Variants in SPNS3 observed in about 807,000 individuals in gnomAD.
The protein encoded by SPNS3 is protein spinster homolog 3.
Under a neutral mutation model 54.4 loss-of-function variants are expected in SPNS3, and 51 were observed. The observed-to-expected ratio is 0.94, with a 90% CI of 0.75 to 1.18. SPNS3 has a LOEUF of 1.18. Among genes scored for constraint, SPNS3 ranks in the 50% most tolerant of loss-of-function variants. SPNS3 has a pLI of 0.00. For synonymous variants in SPNS3, 309 were observed against 294.7 expected, an observed-to-expected ratio of 1.05 and a Z score of -0.50; for missense variants, 669 against 677.4, an observed-to-expected ratio of 0.99 and a Z score of 0.14.
intron 8 of SPNS3, among the ~76,000 whole-genome samples, chr17:4,456,484 G>A (rs988640268): frequency 6.6e-5 from 10 of 152,140 alleles, no homozygotes; most frequent in Non-Finnish European, 1.0e-4. Flanking sequence ...TAGTCCTCAC[G>A]ACTGACACTT....
intron 8 of SPNS3, among the ~76,000 whole-genome samples, chr17:4,466,559 T>A (rs9908899): frequency 0.027 from 2,467 of 92,686 alleles, 73 homozygotes; most frequent in African/African-American, 0.096. Context: ...AAAAAAAAAA[T>A]GGCCAGGCAC....
chr17:4,454,117 C>A (rs1971241097), intron 8 of SPNS3, among the ~76,000 whole-genome samples: 2 of 152,240 alleles, frequency 1.3e-5, no homozygotes, highest in African/African-American at 4.8e-5. Context: ...TATCCTCACA[C>A]CAGAATTCAC....
intron 9 of SPNS3, among the ~76,000 whole-genome samples, chr17:4,480,812 A>G (rs1481385683): frequency 8.9e-6 from 1 of 112,214 alleles, no homozygotes; most frequent in Non-Finnish European, 1.8e-5. Context: ...GGAGGCCTCC[A>G]GCCACAATGC....
At chr17:4,484,504 A>G (rs1168469402) in intron 9 of SPNS3, among the ~76,000 whole-genome samples, 1 of 152,062 alleles carries the variant, frequency 6.6e-6, no homozygotes, top group African/African-American at 2.4e-5. Flanking sequence ...TATTTTTAGT[A>G]GAGATGGGAT....
chr17:4,474,467 C>A (rs1011403494), intron 8 of SPNS3, among the ~76,000 whole-genome samples: 2 of 152,128 alleles, frequency 1.3e-5, no homozygotes, highest in Non-Finnish European at 2.9e-5. Flanking sequence ...GGCCTTCTCC[C>A]TTCTCGGTGG....
chr17:4,484,833 G>C (rs1258057551), intron 9 of SPNS3, among the ~76,000 whole-genome samples: 2 of 151,774 alleles, frequency 1.3e-5, no homozygotes, highest in East Asian at 3.9e-4. Context: ...GGACCTACTT[G>C]AGTTATTTGG....
At position 4,486,649 on chromosome 17, in the gene SPNS3, C is replaced by A; in HGVS notation, c.1450+66C>A. 3 of 1,471,246 alleles carry A rather than the reference C, an allele frequency of 2.0e-6. 1 individual carries two copies. The South Asian group carries it at 3.8e-5, about 19-fold the overall frequency. The allele number at this position is 1,471,246 out of a possible 1,614,324, so 91.1% of individuals were successfully genotyped here. On this transcript the variant is annotated intron_variant, in intron 11 of 11. Transcript: ENST00000355530. This position sits in a 1 kb window ranked among gnomAD's most constrained non-coding sequence, Gnocchi z 5.5. ...CCCTAGGGACAGACAGCACTGGCCA[C>A]CCCCTGAATCCCTGGCCAGTTTGTT... is the stretch of plus-strand genomic sequence containing the variant.
intron 8 of SPNS3, 24 bp from the exon 9 acceptor site, chr17:4,478,548 A>G: frequency 6.4e-7 from 1 of 1,557,290 alleles, no homozygotes; most frequent in Non-Finnish European, 8.7e-7. Flanking sequence ...GGGAATCCTC[A>G]CCCAGGCCAC....
intron 8 of SPNS3, among the ~76,000 whole-genome samples, chr17:4,476,196 C>G (rs1218031461): frequency 6.6e-6 from 1 of 152,216 alleles, no homozygotes; most frequent in African/African-American, 2.4e-5. Flanking sequence ...CGCAGCTGAG[C>G]CCTTTGCCCC....
chr17:4,448,268 C>T lies in SPNS3; in HGVS notation c.735C>T (p.Ser245=). 1.3e-6 allele frequency: 2 copies of T among 1,591,268 alleles called. No homozygotes were observed. Among genetic ancestry groups the T allele is most frequent in the African/African-American group, 1.4e-5 (1 of 74,054 alleles). ...AGGGGGCCGTGGGAGGCTTCAGGAG[C>T]AGCTGGTGTGAGGACGTCAGATACC... ...QGEGAVGGFR[S]SWCEDVRYLG... The change falls in exon 6 of 12, where the codon AGC becomes AGT. Residue 245 remains serine (S), a synonymous_variant. Coordinates refer to ENST00000355530, the MANE Select transcript of SPNS3 (RefSeq NM_182538.5).
intron 7 of SPNS3, among the ~76,000 whole-genome samples, chr17:4,452,783 G>A (rs1024915021): frequency 1.3e-5 from 2 of 152,016 alleles, no homozygotes; most frequent in South Asian, 2.1e-4. Context: ...GATGAGACAG[G>A]AGATGAGGCA....
intron 8 of SPNS3, among the ~76,000 whole-genome samples, chr17:4,468,721 T>TTTTC (rs779220181): frequency 0.12 from 14,037 of 121,290 alleles, 908 homozygotes; most frequent in African/African-American, 0.17. Flanking sequence ...TCTCTCTTTC[T>TTTTC]TTTCTTTCTT....
chr17:4,457,345 T>C (rs980804589), intron 8 of SPNS3, among the ~76,000 whole-genome samples: 1 of 152,200 alleles, frequency 6.6e-6, no homozygotes, highest in African/African-American at 2.4e-5. Flanking sequence ...TGAGCTCTGA[T>C]CATGCCACTG....
chr17:4,476,283 G>A (rs333134), intron 8 of SPNS3, among the ~76,000 whole-genome samples: 27,260 of 152,188 alleles, frequency 0.18, 2,445 homozygotes, highest in Middle Eastern at 0.28. Context: ...ACCTGGCATC[G>A]TCGGGCGGCT....
chr17:4,449,541 A>T (rs1359747916), intron 7 of SPNS3, among the ~76,000 whole-genome samples, 154 bp downstream of exon 7: 1 of 152,068 alleles, frequency 6.6e-6, no homozygotes, highest in African/African-American at 2.4e-5. Flanking sequence ...TGGCAGCAGG[A>T]GGCCTGGCTC....
chr17:4,468,751 T>TTCTTTCTTTCTTTCTTTCTC (rs1555531891), intron 8 of SPNS3, among the ~76,000 whole-genome samples: 15 of 143,516 alleles, frequency 1.0e-4, no homozygotes, highest in Non-Finnish European at 1.6e-4. Flanking sequence ...CTTTCTTTCT[T>TTCTTTCTTTCTTTCTTTCTC]TCTTTCTTTC....
chr17:4,475,503 T>C (rs1971967202), intron 8 of SPNS3, among the ~76,000 whole-genome samples: 1 of 152,132 alleles, frequency 6.6e-6, no homozygotes, highest in South Asian at 2.1e-4. Flanking sequence ...GGAAGGCATG[T>C]AGGGACCCCC....
chr17:4,444,609 G>C (rs9905331), intron 2 of SPNS3, among the ~76,000 whole-genome samples: 2,737 of 152,198 alleles, frequency 0.018, 71 homozygotes, highest in African/African-American at 0.062. Context: ...CGTTGCCCCA[G>C]TAGGTGCATG....
chr17:4,479,408 C>T (rs1229135914), intron 9 of SPNS3, among the ~76,000 whole-genome samples: 3 of 152,264 alleles, frequency 2.0e-5, no homozygotes, highest in African/African-American at 7.2e-5. Flanking sequence ...AGGATCAGCC[C>T]TGCCTGTAAG....
Sources: gnomAD v4.1 joint callset for allele counts (sites outside exome capture counted in the v4.1 genomes callset) on GRCh38, gnomAD v4.1.1 for gene constraint, Gnocchi (gnomAD v3.1) non-coding constraint, MANE v1.5 for transcripts, NCBI Gene and HGNC (gene_info 2026-07-23, HGNC 2026-07-21) for gene names.